Variants in APBB2 observed in about 807,000 individuals in gnomAD.
The protein encoded by APBB2 is Fe65-like 1.
In APBB2, 38 loss-of-function variants were observed where a neutral mutation model predicts 82.5. The observed-to-expected ratio is 0.46, with a 90% CI of 0.36 to 0.60. The LOEUF (loss-of-function observed/expected upper bound fraction) is 0.60. Among genes scored for constraint, APBB2 ranks in the 20% least tolerant of loss-of-function variants. APBB2 has a pLI of 0.00. For synonymous variants in APBB2, 341 were observed against 368.2 expected, an observed-to-expected ratio of 0.93 and a Z score of 0.85; for missense variants, 772 against 972.3, an observed-to-expected ratio of 0.79 and a Z score of 2.74.
At chr4:41,182,108 T>A (rs1234053208) in intron 1 of APBB2, among the ~76,000 whole-genome samples, 2 of 152,160 alleles carry the variant, frequency 1.3e-5, no homozygotes, top group East Asian at 3.9e-4. Context: ...GATCTTTCCA[T>A]CTCTAGCATC....
In APBB2 at chr4:40,814,551, G is replaced by C. The variant is rs1277874422; in HGVS notation, c.*1541C>G. ...GTGTATTTAGTACCTTCTCTACCTG[G>C]TAAGGCTCAGATGTGATAAGAATGT... On this transcript the variant is annotated 3_prime_UTR_variant, in exon 18 of 18. Transcript: ENST00000508593. The C allele has an allele frequency of 2.0e-5, 3 of 152,152 alleles. No individual in the cohort carries two copies. In the East Asian group the frequency reaches 5.8e-4, roughly 29 times the overall value. The allele number at this position is 152,152 out of a possible 1,614,324, so 9.4% of individuals were successfully genotyped here.
intron 4 of APBB2, among the ~76,000 whole-genome samples, chr4:41,054,157 G>A (rs1171932606): frequency 1.3e-5 from 2 of 152,308 alleles, no homozygotes; most frequent in Non-Finnish European, 2.9e-5. Context: ...ATGGTGACAT[G>A]AAGGCTGCTG....
intron 1 of APBB2, among the ~76,000 whole-genome samples, chr4:41,162,514 A>G (rs1237524177): frequency 2.0e-5 from 3 of 152,074 alleles, no homozygotes; most frequent in African/African-American, 4.8e-5. Flanking sequence ...TTCTCTCTCT[A>G]TCTCACCCTC....
intron 10 of APBB2, among the ~76,000 whole-genome samples, chr4:40,907,988 GTGTGTGTA>G (rs536171043): frequency 0.014 from 1,928 of 141,108 alleles, 20 homozygotes; most frequent in Middle Eastern, 0.021. Context: ...TGTGGTGTGT[GTGTGTGTA>G]TGTGTGTATG....
chr4:41,083,087 C>T (rs560563291), intron 3 of APBB2, among the ~76,000 whole-genome samples: 13 of 152,176 alleles, frequency 8.5e-5, no homozygotes, highest in African/African-American at 3.1e-4. Flanking sequence ...ATGGCGTGAA[C>T]CCGGGAGGCG....
intron 10 of APBB2, 103 bp downstream of exon 10, chr4:40,934,353 A>C: frequency 8.8e-7 from 1 of 1,136,478 alleles, no homozygotes; most frequent in South Asian, 1.4e-5. Context: ...ATTACTTATT[A>C]AATGGCTCTG....
chr4:41,074,608 A>AT (rs370714146), intron 3 of APBB2, among the ~76,000 whole-genome samples: 1,825 of 136,690 alleles, frequency 0.013, 27 homozygotes, highest in Non-Finnish European at 0.02. Flanking sequence ...TATTATTATT[A>AT]TTTTTTTTTT....
intron 3 of APBB2, among the ~76,000 whole-genome samples, chr4:41,075,393 C>A (rs923926320): frequency 1.3e-5 from 2 of 152,138 alleles, no homozygotes; most frequent in African/African-American, 2.4e-5. Context: ...CTTGATTCTG[C>A]TGTGGTGTTT....
At chr4:41,184,709 A>C (rs546509105) in intron 1 of APBB2, among the ~76,000 whole-genome samples, 1 of 152,224 alleles carries the variant, frequency 6.6e-6, no homozygotes, top group Admixed American at 6.5e-5. Context: ...GCAGGTAAAC[A>C]GCGTCCATGA....
At chr4:41,134,284 G>A (rs1346604588) in intron 2 of APBB2, among the ~76,000 whole-genome samples, 1 of 151,934 alleles carries the variant, frequency 6.6e-6, no homozygotes, top group Non-Finnish European at 1.5e-5. Flanking sequence ...GCCCAGCCAG[G>A]ACAAACTTTT....
intron 6 of APBB2, among the ~76,000 whole-genome samples, chr4:40,979,500 A>G (rs1004835921): frequency 2.0e-5 from 3 of 152,224 alleles, no homozygotes; most frequent in African/African-American, 7.2e-5. Context: ...TTTAATTAAG[A>G]TCCATAGTCA....
intron 2 of APBB2, among the ~76,000 whole-genome samples, chr4:41,141,023 C>G (rs1463434957): frequency 2.0e-5 from 3 of 152,108 alleles, no homozygotes; most frequent in African/African-American, 7.2e-5. Flanking sequence ...ATCCTGAAAC[C>G]ATCCCTGCCA....
chr4:40,846,326 C>CAAAAA lies in APBB2; in HGVS notation c.1530-15754_1530-15750dup, dbSNP rs3086182. Reference sequence around the variant, plus strand: ...TCAAGGCCCTCGGATGAAAACACTCCAAAAAAAAAAAAAAAAAAAAAAGTG... The same window carrying CAAAAA: ...TCAAGGCCCTCGGATGAAAACACTCCAAAAAAAAAAAAAAAAAAAAAAAAAAAGTG... On this transcript the variant is annotated intron_variant, in intron 12 of 17. Transcript: ENST00000508593. 5.8e-3 allele frequency among the ~76,000 whole-genome samples: 362 copies of CAAAAA among 62,478 alleles called. 5 individuals carry two copies. The highest frequency in any genetic ancestry group is 0.022 in the African/African-American group (345 of 15,408). The allele number at this position is 62,478 out of a possible 152,430, so 41.0% of individuals were successfully genotyped here.
At chr4:40,855,704 A>G (rs1432692940) in intron 12 of APBB2, among the ~76,000 whole-genome samples, 1 of 151,386 alleles carries the variant, frequency 6.6e-6, no homozygotes, top group Non-Finnish European at 1.5e-5. Context: ...CCACTGCACT[A>G]CAGGCTGGGT....
intron 10 of APBB2, among the ~76,000 whole-genome samples, chr4:40,921,867 C>T (rs1276493731): frequency 6.6e-6 from 1 of 152,178 alleles, no homozygotes; most frequent in Admixed American, 6.5e-5. Context: ...TTCAACCTGA[C>T]CATTGGTAAT....
intron 6 of APBB2, among the ~76,000 whole-genome samples, chr4:40,971,743 T>C (rs993336088): frequency 2.6e-5 from 4 of 152,222 alleles, no homozygotes; most frequent in Middle Eastern, 3.2e-3. Context: ...ATATATCCCC[T>C]TCTTTTGACA....
At chr4:41,052,177 G>A (rs941734644) in intron 4 of APBB2, among the ~76,000 whole-genome samples, 1 of 151,420 alleles carries the variant, frequency 6.6e-6, no homozygotes, top group Non-Finnish European at 1.5e-5. Flanking sequence ...AGATCAGCCT[G>A]GGCAACATAG....
chr4:40,849,593 C>T (rs1487015153), intron 12 of APBB2, among the ~76,000 whole-genome samples: 1 of 152,164 alleles, frequency 6.6e-6, no homozygotes, highest in East Asian at 1.9e-4. Context: ...CAGTTATGGA[C>T]TGAAAAGCTG....
intron 6 of APBB2, among the ~76,000 whole-genome samples, chr4:41,000,030 C>CGTGT (rs749700892): frequency 7.2e-6 from 1 of 138,550 alleles, no homozygotes; most frequent in African/African-American, 2.6e-5. Context: ...AAAAAACAAA[C>CGTGT]GTGTGTGTGT....
Sources: allele counts gnomAD v4.1 joint callset (sites outside exome capture counted in the v4.1 genomes callset), GRCh38; gene constraint gnomAD v4.1.1; transcripts MANE v1.5; gene names NCBI Gene and HGNC (gene_info 2026-07-23, HGNC 2026-07-21).